Variants in TUSC3 observed in about 807,000 individuals in gnomAD.
TUSC3 encodes dolichyl-diphosphooligosaccharide--protein glycosyltransferase subunit TUSC3.
TUSC3 carries 45 observed loss-of-function variants against 44.8 expected under a neutral mutation model. That is an observed-to-expected ratio of 1.00 (90% CI 0.79 to 1.29). TUSC3 has a LOEUF of 1.29. Ranked by LOEUF, TUSC3 falls within the 50% of genes most tolerant of loss-of-function variation. The probability of loss-of-function intolerance (pLI) is 0.00; values close to 1 mark genes in which losing one functional copy is unlikely to be tolerated. For missense variants in TUSC3, 519 were observed against 437.9 expected, an observed-to-expected ratio of 1.19 and a Z score of -1.65; for synonymous variants, 212 against 152.9, an observed-to-expected ratio of 1.39 and a Z score of -2.85.
the TUSC3 span, among the ~76,000 whole-genome samples, chr8:15,776,611 T>C: frequency 4.4e-3 from 667 of 152,310 alleles, 5 homozygotes; most frequent in African/African-American, 0.015. Flanking sequence ...CTAGCACTTC[T>C]GTGCTAGATC....
chr8:15,595,633 GA>G (rs1490870613), intron 1 of TUSC3, among the ~76,000 whole-genome samples: 3 of 152,154 alleles, frequency 2.0e-5, no homozygotes, highest in Admixed American at 1.3e-4. Context: ...ATCTTGGCCA[GA>G]AATGGAAGGA....
chr8:15,850,969 G>T, the TUSC3 span, among the ~76,000 whole-genome samples: 1 of 152,128 alleles, frequency 6.6e-6, no homozygotes, highest in African/African-American at 2.4e-5. Context: ...ACTGAGAGCT[G>T]GTGAGCATAT....
At chr8:15,848,682 G>C in the TUSC3 span, among the ~76,000 whole-genome samples, 4 of 152,194 alleles carry the variant, frequency 2.6e-5, no homozygotes, top group Non-Finnish European at 5.9e-5. Context: ...CAGTCAACCA[G>C]CTTCACACCT....
intron 1 of TUSC3, among the ~76,000 whole-genome samples, chr8:15,471,473 T>C (rs1800493106): frequency 6.6e-6 from 1 of 152,192 alleles, no homozygotes; most frequent in African/African-American, 2.4e-5. Context: ...AATATCTTAA[T>C]ACTAATAAAA....
chr8:15,524,149 T>C (rs7005775), intron 2 of TUSC3, among the ~76,000 whole-genome samples: 98,964 of 151,870 alleles, frequency 0.65, 32,289 homozygotes, highest in Non-Finnish European at 0.67. Flanking sequence ...ATCCTAATAC[T>C]GTTTTTTTGC....
chr8:15,665,980 G>A (rs1807641853), intron 5 of TUSC3, among the ~76,000 whole-genome samples: 1 of 151,344 alleles, frequency 6.6e-6, no homozygotes. Flanking sequence ...TGGACAATAA[G>A]CATATACATT....
At chr8:15,671,291 T>G (rs1416159354) in intron 5 of TUSC3, among the ~76,000 whole-genome samples, 2 of 152,012 alleles carry the variant, frequency 1.3e-5, no homozygotes, top group Non-Finnish European at 2.9e-5. Flanking sequence ...GCTGTAACTA[T>G]GAATCATGCC....
chr8:15,465,124 G>T (rs1800397967), intron 1 of TUSC3, among the ~76,000 whole-genome samples: 1 of 152,194 alleles, frequency 6.6e-6, no homozygotes, highest in Admixed American at 6.6e-5. Context: ...TGGGATTACA[G>T]GCATGAGCCA....
At chr8:15,456,628 G>C (rs1018082177) in intron 1 of TUSC3, among the ~76,000 whole-genome samples, 3 of 151,790 alleles carry the variant, frequency 2.0e-5, no homozygotes, top group Admixed American at 2.0e-4. Context: ...TGTAGACAGA[G>C]GTAGGGAAAA....
chr8:15,833,940 T>C, the TUSC3 span, among the ~76,000 whole-genome samples: 2 of 152,186 alleles, frequency 1.3e-5, no homozygotes, highest in African/African-American at 4.8e-5. Context: ...CAGTTCATTT[T>C]TTCCACTGTA....
chr8:15,684,089 C>T (rs1358216596), intron 6 of TUSC3, among the ~76,000 whole-genome samples: 1 of 149,332 alleles, frequency 6.7e-6, no homozygotes, highest in African/African-American at 2.4e-5. Context: ...ACTGCATTCA[C>T]CGTAGTGCTC....
chr8:15,846,866 AATG>A, the TUSC3 span, among the ~76,000 whole-genome samples: 7 of 144,340 alleles, frequency 4.8e-5, no homozygotes, highest in South Asian at 4.3e-4. Flanking sequence ...CTTAAAGTAT[AATG>A]ATAATTTGAA....
chr8:15,522,286 G>T (rs1036238125), intron 2 of TUSC3, among the ~76,000 whole-genome samples: 1 of 151,720 alleles, frequency 6.6e-6, no homozygotes, highest in African/African-American at 2.4e-5. Context: ...ATGCTGGAGT[G>T]CAGTGGTGCT....
intron 7 of TUSC3, among the ~76,000 whole-genome samples, chr8:15,741,951 T>C (rs1458668837): frequency 6.6e-6 from 1 of 152,168 alleles, no homozygotes; most frequent in Non-Finnish European, 1.5e-5. Context: ...AACAAGTTTT[T>C]AATTTTTATC....
At chr8:15,626,108 C>A (rs781103935) in intron 2 of TUSC3, among the ~76,000 whole-genome samples, 1 of 152,120 alleles carries the variant, frequency 6.6e-6, no homozygotes, top group Non-Finnish European at 1.5e-5. Context: ...TGCACCGTGC[C>A]CCCTGTGCCC....
At chr8:15,815,664 A>T in the TUSC3 span, among the ~76,000 whole-genome samples, 1 of 152,146 alleles carries the variant, frequency 6.6e-6, no homozygotes, top group Non-Finnish European at 1.5e-5. Context: ...CAGAGCTCTG[A>T]CTTTCTAATG....
At chr8:15,445,573 C>T (rs1049890581) in intron 1 of TUSC3, among the ~76,000 whole-genome samples, 2 of 152,124 alleles carry the variant, frequency 1.3e-5, no homozygotes, top group African/African-American at 4.8e-5. Flanking sequence ...TCTTGCACCG[C>T]CCTTAATCCA....
rs35757466 is a variant in TUSC3, at chr8:15,555,276, A to ATTTTTTTTTTTTT, written c.138+14731_138+14743dup. 3.3e-4 allele frequency among the ~76,000 whole-genome samples: 15 copies of ATTTTTTTTTTTTT among 44,888 alleles called. 1 individual carries two copies. The highest frequency in any genetic ancestry group is 6.0e-4 in the Admixed American group (2 of 3,336). The allele number at this position is 44,888 out of a possible 152,430, so 29.4% of individuals were successfully genotyped here. The stretch of plus-strand genomic sequence containing the variant: ...GTTCATGTGCCACCATGCCAGGCTA[A>ATTTTTTTTTTTTT]TTTTTTTTTTTTTTTTTTTTTTTTT... On this transcript the variant is annotated intron_variant, in intron 1 of 10. Coordinates refer to ENST00000503731, the MANE Select transcript of TUSC3 (RefSeq NM_006765.4).
At chr8:15,643,636 A>G (rs2129172668) in intron 2 of TUSC3, among the ~76,000 whole-genome samples, 1 of 152,332 alleles carries the variant, frequency 6.6e-6, no homozygotes, top group Non-Finnish European at 1.5e-5. Context: ...CAACCTCTTT[A>G]TCTTACATCT....
Sources: gnomAD v4.1 joint callset for allele counts (sites outside exome capture counted in the v4.1 genomes callset) on GRCh38, gnomAD v4.1.1 for gene constraint, MANE v1.5 for transcripts, NCBI Gene and HGNC (gene_info 2026-07-23, HGNC 2026-07-21) for gene names.